The following SERAC1 variants were observed in gnomAD, a reference collection of about 807,000 sequenced individuals.
SERAC1 encodes the protein protein SERAC1.
In SERAC1, 36 loss-of-function variants were observed where a neutral mutation model predicts 85.7. The ratio of observed to expected loss-of-function variants is 0.42; its 90% CI spans 0.32 to 0.55. SERAC1 has a LOEUF of 0.55. Among genes scored for constraint, SERAC1 ranks in the 20% least tolerant of loss-of-function variants. The pLI is 0.11. For synonymous variants in SERAC1, 242 were observed against 265.3 expected (o/e 0.91, Z 0.85); for missense variants, 629 against 796.2 (o/e 0.79, Z 2.53).
In SERAC1 at chr6:158,144,383, C is replaced by G; in HGVS notation, c.525G>C (p.Pro175=). 6.2e-7 allele frequency: 1 copy of G among 1,612,952 alleles called. No individual in the cohort carries two copies. Among genetic ancestry groups the G allele is most frequent in the Non-Finnish European group, 8.5e-7 (1 of 1,179,278 alleles). The change falls in exon 7 of 17, where the codon CCG becomes CCC. Residue 175 remains proline, a synonymous_variant. Coordinates refer to ENST00000647468, the MANE Select transcript of SERAC1 (RefSeq NM_032861.4). ...QYRIIAQACD[P]KTLIGLARSE... is the part of the protein sequence containing the mutation. ...TTCGTGCCAAACCAATAAGAGTTTT[C>G]GGATCACAGGCTTGAGCAATTATCC...
rs971683772 is a variant in SERAC1 at position 158,109,752 on chromosome 6, T to C, written c.*1614A>G. The stretch of plus-strand genomic sequence containing the variant: ...TAGACAAAAATGAACAGAACCTAGA[T>C]GTCCATCAGCTGATGAATGGATAAA... On this transcript the variant is annotated 3_prime_UTR_variant, in exon 17 of 17. Coordinates refer to ENST00000647468, the MANE Select transcript of SERAC1 (RefSeq NM_032861.4). 8.5e-5 allele frequency: 13 copies of C among 152,200 alleles called. No individual in the cohort carries two copies. The highest frequency in any genetic ancestry group is 7.9e-4 in the Admixed American group (12 of 15,284). 9.4% of individuals were successfully genotyped at this position (152,200 alleles called of 1,614,324 possible).
intron 8 of SERAC1, among the ~76,000 whole-genome samples, chr6:158,138,696 C>T (rs1366929185): frequency 1.3e-5 from 2 of 152,040 alleles, no homozygotes; most frequent in Non-Finnish European, 2.9e-5. Context: ...CAAGCTGAAA[C>T]TATCAGATGT....
chr6:158,111,151 G>A lies in SERAC1; in HGVS notation c.*215C>T. The stretch of plus-strand genomic sequence containing the variant: ...ACAGGGACTTCTTTACACCAAAGGG[G>A]CCCAATCCAGCCCTTCCTTCTGTGC... On this transcript the variant is annotated 3_prime_UTR_variant, in exon 17 of 17. Coordinates refer to ENST00000647468, the MANE Select transcript of SERAC1 (RefSeq NM_032861.4). 1 of 381,614 alleles carries A rather than the reference G, an allele frequency of 2.6e-6. No individual in the cohort carries two copies. The highest frequency in any genetic ancestry group is 6.0e-5 in the South Asian group (1 of 16,746). The allele number at this position is 381,614 out of a possible 1,614,324, so 23.6% of individuals were successfully genotyped here.
Position 158,149,041 on chromosome 6 carries a change from G to A in SERAC1, c.266-87C>T, listed in dbSNP as rs146211490. On this transcript the variant is annotated intron_variant, in intron 4 of 16. Transcript: ENST00000647468. Reference sequence around the variant, plus strand: ...ATCTTACTCTGTCGCCCAGGTTGGAGTGCAGTGGCACAATCTCGGCTCACT... The same window carrying A: ...ATCTTACTCTGTCGCCCAGGTTGGAATGCAGTGGCACAATCTCGGCTCACT... 460 of 947,840 alleles carry A rather than the reference G, an allele frequency of 4.9e-4. 1 individual carries two copies. In the African/African-American group the frequency reaches 7.0e-3, roughly 14 times the overall value. 58.7% of individuals were successfully genotyped at this position (947,840 alleles called of 1,614,324 possible).
chr6:158,147,277 C>A (rs943913955), intron 5 of SERAC1, among the ~76,000 whole-genome samples: 1 of 151,550 alleles, frequency 6.6e-6, no homozygotes, highest in Non-Finnish European at 1.5e-5. Context: ...TAGCTGAGAT[C>A]ACAGGGGTAT....
chr6:158,164,300 C>A (rs1004185091), intron 1 of SERAC1, among the ~76,000 whole-genome samples: 2 of 151,760 alleles, frequency 1.3e-5, no homozygotes, highest in Non-Finnish European at 2.9e-5. Flanking sequence ...CCGGTGAAAC[C>A]CCATCTCTAC....
intron 14 of SERAC1, among the ~76,000 whole-genome samples, chr6:158,115,607 A>C (rs2128410875): frequency 6.6e-6 from 1 of 152,310 alleles, no homozygotes; most frequent in East Asian, 1.9e-4. Context: ...CGGGCTGCAG[A>C]AAGGCCTTCT....
intron 3 of SERAC1, chr6:158,151,165 G>A (rs909141971): frequency 2.0e-5 from 3 of 152,476 alleles, no homozygotes; most frequent in Admixed American, 2.0e-4. Context: ...TGCGGAGGTG[G>A]AGACAGTGAT....
At chr6:158,115,312 A>T (rs1784259231) in intron 14 of SERAC1, among the ~76,000 whole-genome samples, 1 of 152,192 alleles carries the variant, frequency 6.6e-6, no homozygotes, top group African/African-American at 2.4e-5. Context: ...CTGGTCTCTC[A>T]GCCTGCTATG....
intron 8 of SERAC1, 140 bp from the exon 9 acceptor site, chr6:158,130,626 A>C (rs1299795501): frequency 1.7e-6 from 1 of 572,028 alleles, no homozygotes; most frequent in Non-Finnish European, 3.1e-6. Context: ...TGGAAATGTA[A>C]AAGGAACTTT....
Position 158,148,942 on chromosome 6 carries a change from T to C in SERAC1, c.278A>G (p.Gln93Arg). 1 of 1,609,326 alleles carries C rather than the reference T, an allele frequency of 6.2e-7. No individual in the cohort carries two copies. The highest frequency in any genetic ancestry group is 8.5e-7 in the Non-Finnish European group (1 of 1,177,340). Residue 93 changes from glutamine to arginine, a missense_variant, in exon 5 of 17, where the codon CAG becomes CGG. Gln to Arg is a conservative substitution (Grantham distance 43, BLOSUM62 1). Coordinates refer to ENST00000647468, the MANE Select transcript of SERAC1 (RefSeq NM_032861.4). ...TGCTTTGTGAAGTTCTTTTCTTGCC[T>C]GCCAGGCAATACCTAAAATGATTAT... ...DKGENHGIAW[Q>R]ARKELHKAVR... is the part of the protein sequence containing the mutation.
chr6:158,150,698 C>T, intron 3 of SERAC1, 109 bp from the exon 4 acceptor site: 1 of 784,006 alleles, frequency 1.3e-6, no homozygotes, highest in Non-Finnish European at 2.1e-6. Flanking sequence ...TGTTGGGAAA[C>T]ATAACATGTA....
In SERAC1 at chr6:158,130,401, C is replaced by T. The variant is rs1267150398; in HGVS notation, c.824G>A (p.Cys275Tyr). The T allele has an allele frequency of 2.5e-6, 4 of 1,591,050 alleles. No homozygotes were observed. The highest frequency in any genetic ancestry group is 3.4e-6 in the Non-Finnish European group (4 of 1,170,794). Residue 275 changes from cysteine (C) to tyrosine (Y), a missense_variant, in exon 9 of 17, where the codon TGT becomes TAT. Cys to Tyr is a radical substitution (Grantham distance 194, BLOSUM62 -2). Transcript: ENST00000647468. ...AGAATGTTTTACTATAGCTTCTAAA[C>T]AGAACATTTCCACTGTTGCTGAAGG... ...EVPSATVEMF[C>Y]LEAIVKHSEI...
chr6:158,132,100 T>G (rs527254446), intron 8 of SERAC1, among the ~76,000 whole-genome samples: 1 of 152,292 alleles, frequency 6.6e-6, no homozygotes, highest in South Asian at 2.1e-4. Context: ...AGTGCTTCAC[T>G]TTGGAGCTAG....
chr6:158,142,501 G>A (rs1416933207), intron 8 of SERAC1, among the ~76,000 whole-genome samples: 11 of 148,124 alleles, frequency 7.4e-5, no homozygotes, highest in African/African-American at 2.8e-4. Context: ...TTTTTGAGGC[G>A]GAGTCTCGCT....
intron 8 of SERAC1, among the ~76,000 whole-genome samples, chr6:158,138,816 T>C (rs1487278350): frequency 6.6e-6 from 1 of 152,212 alleles, no homozygotes; most frequent in Non-Finnish European, 1.5e-5. Context: ...CTACTTGGCA[T>C]GACAGGGTTG....
chr6:158,116,550 A>G (rs1258506904), intron 13 of SERAC1: 1 of 368,020 alleles, frequency 2.7e-6, no homozygotes, highest in Non-Finnish European at 5.0e-6. Context: ...TCTCTGCTCA[A>G]TTCCTGAAAT....
At chr6:158,165,349 GT>G (rs1285778211) in intron 1 of SERAC1, among the ~76,000 whole-genome samples, 1 of 152,080 alleles carries the variant, frequency 6.6e-6, no homozygotes, top group East Asian at 1.9e-4. Context: ...TACAGACGGG[GT>G]TTCACCGTGT....
At chr6:158,156,042 G>A (rs895924064) in intron 2 of SERAC1, among the ~76,000 whole-genome samples, 7 of 152,102 alleles carry the variant, frequency 4.6e-5, no homozygotes, top group East Asian at 3.8e-4. Flanking sequence ...CCAGCTGCTC[G>A]GGAGGCTAAG....
Sources: gnomAD v4.1 joint callset for allele counts (sites outside exome capture counted in the v4.1 genomes callset) on GRCh38, gnomAD v4.1.1 for gene constraint, MANE v1.5 for transcripts, NCBI Gene and HGNC (gene_info 2026-07-23, HGNC 2026-07-21) for gene names.